Variants in ADARB2 observed in about 807,000 individuals in gnomAD.
ADARB2 encodes inactive double-stranded RNA-specific editase B2.
In ADARB2, 25 loss-of-function variants were observed where a neutral mutation model predicts 62.2. The ratio of observed to expected loss-of-function variants is 0.40; its 90% confidence interval spans 0.29 to 0.56. ADARB2 has a LOEUF of 0.56. Ranked by LOEUF, ADARB2 falls within the 20% of genes least tolerant of loss-of-function variation. ADARB2 has a pLI of 0.43. For missense variants in ADARB2, 1,071 were observed against 1,077.4 expected (o/e 0.99, Z 0.08); for synonymous variants, 572 against 500.8 (o/e 1.14, Z -1.90).
intron 1 of ADARB2, among the ~76,000 whole-genome samples, chr10:1,575,720 C>T (rs1051165387): frequency 2.6e-5 from 4 of 152,208 alleles, no homozygotes; most frequent in Admixed American, 2.6e-4. Flanking sequence ...CTGTGGGATC[C>T]CCCTGTGGTC....
At chr10:1,339,035 G>T (rs891061547) in intron 3 of ADARB2, among the ~76,000 whole-genome samples, 11 of 152,192 alleles carry the variant, frequency 7.2e-5, no homozygotes, top group African/African-American at 9.7e-5. Flanking sequence ...TCCTTATTTT[G>T]GTTGGATAGG....
chr10:1,417,104 G>A (rs996605938), intron 1 of ADARB2, among the ~76,000 whole-genome samples: 2 of 152,124 alleles, frequency 1.3e-5, no homozygotes, highest in Non-Finnish European at 2.9e-5. Flanking sequence ...GTATAGACCA[G>A]ATGGCCAGGA....
intron 2 of ADARB2, among the ~76,000 whole-genome samples, chr10:1,369,703 C>T (rs1832350266): frequency 5.2e-5 from 1 of 19,264 alleles, no homozygotes; most frequent in Non-Finnish European, 5.5e-3. Context: ...GCCTGATTAG[C>T]CCACCAATGG....
rs998478915 is a variant in ADARB2 at position 1,631,155 on chromosome 10, C to G, written c.100+105896G>C. On this transcript the variant is annotated intron_variant, in intron 1 of 9. Coordinates refer to ENST00000381312, the MANE Select transcript of ADARB2 (RefSeq NM_018702.4). ...GAACAAGAAAAAAGGGTGTGCAACA[C>G]GTTCGATGTGCCAGGTGCCTCCACG... Among the ~76,000 whole-genome samples, 6 of 152,160 alleles carry G rather than the reference C, an allele frequency of 3.9e-5. No individual in the cohort carries two copies. The South Asian group carries it at 6.2e-4, about 16-fold the overall frequency.
intron 1 of ADARB2, among the ~76,000 whole-genome samples, chr10:1,471,540 G>A (rs1035579615): frequency 9.2e-5 from 14 of 152,110 alleles, no homozygotes; most frequent in Admixed American, 2.6e-4. Context: ...ACAGGCATAC[G>A]CCACCATGCC....
intron 2 of ADARB2, among the ~76,000 whole-genome samples, chr10:1,375,348 T>C (rs1832412836): frequency 6.6e-6 from 1 of 152,150 alleles, no homozygotes; most frequent in Non-Finnish European, 1.5e-5. Flanking sequence ...CTTACAAACG[T>C]GGAGTTGTTC....
intron 3 of ADARB2, among the ~76,000 whole-genome samples, chr10:1,354,612 G>A (rs946396084): frequency 6.6e-6 from 1 of 152,248 alleles, no homozygotes; most frequent in African/African-American, 2.4e-5. Flanking sequence ...CGAAGGAGAG[G>A]GGGCTCAGGG....
intron 1 of ADARB2, among the ~76,000 whole-genome samples, chr10:1,645,738 C>T (rs1052277651): frequency 5.9e-5 from 9 of 152,054 alleles, no homozygotes; most frequent in East Asian, 3.9e-4. Flanking sequence ...ATCTCCATCA[C>T]GAAACTCTGC....
chr10:1,635,601 G>C (rs142069959), intron 1 of ADARB2, among the ~76,000 whole-genome samples: 2 of 152,228 alleles, frequency 1.3e-5, no homozygotes, highest in East Asian at 1.9e-4. Context: ...TCCCTCCGTC[G>C]GGACAGCCTC....
intron 9 of ADARB2, among the ~76,000 whole-genome samples, chr10:1,183,800 C>T (rs1176277807): frequency 6.6e-6 from 1 of 152,110 alleles, no homozygotes; most frequent in Non-Finnish European, 1.5e-5. Flanking sequence ...AGCTTTGCAG[C>T]AACACAAGAC....
chr10:1,346,235 C>T (rs759053849), intron 3 of ADARB2, among the ~76,000 whole-genome samples: 6 of 152,200 alleles, frequency 3.9e-5, no homozygotes, highest in Non-Finnish European at 8.8e-5. Flanking sequence ...TATTACTCCC[C>T]ATGCACCGAC....
chr10:1,186,677 C>T (rs561034329), intron 8 of ADARB2: 156 of 448,544 alleles, frequency 3.5e-4, no homozygotes, highest in African/African-American at 2.8e-3. Context: ...CGTGAGATGG[C>T]GGTGCCTGCA....
At chr10:1,228,945 C>T (rs1450039225) in intron 6 of ADARB2, among the ~76,000 whole-genome samples, 1 of 152,298 alleles carries the variant, frequency 6.6e-6, no homozygotes, top group East Asian at 1.9e-4. Flanking sequence ...CCGACCTGTG[C>T]TCAGAAAACT....
intron 4 of ADARB2, among the ~76,000 whole-genome samples, chr10:1,266,440 G>A (rs915451709): frequency 6.6e-6 from 1 of 151,898 alleles, no homozygotes; most frequent in Non-Finnish European, 1.5e-5. Context: ...CACCCTACAG[G>A]GAGGAAAGGA....
At position 1,195,395 on chromosome 10, in the gene ADARB2, TTTTTG is replaced by T. The variant is rs1159164894; in HGVS notation, c.1864+4566_1864+4570del. On this transcript the variant is annotated intron_variant, in intron 8 of 9. Coordinates refer to ENST00000381312, the MANE Select transcript of ADARB2 (RefSeq NM_018702.4). Reference sequence around the variant, plus strand: ...TCTGTCAATGCTGTACACAGTTTTTTTTTTGTTTTTTTTTTTTTTAAGATAAGGGT... The same window carrying T: ...TCTGTCAATGCTGTACACAGTTTTTTTTTTTTTTTTTTTTAAGATAAGGGT... 7.9e-3 allele frequency among the ~76,000 whole-genome samples: 1,058 copies of T among 133,612 alleles called. 23 individuals carry two copies. The highest frequency in any genetic ancestry group is 0.034 in the African/African-American group (995 of 28,866). 87.7% of individuals were successfully genotyped at this position (133,612 alleles called of 152,430 possible). A position where few individuals can be genotyped will look rare whatever the true frequency, so the allele number is the denominator to read the frequency against.
At chr10:1,309,235 C>A (rs1190614433) in intron 3 of ADARB2, among the ~76,000 whole-genome samples, 1 of 152,212 alleles carries the variant, frequency 6.6e-6, no homozygotes, top group Non-Finnish European at 1.5e-5. Flanking sequence ...GGGTATTGAG[C>A]ACCAAACTTC....
In ADARB2 at chr10:1,385,189, A is replaced by G. The variant is rs188765057; in HGVS notation, c.101-6029T>C. 9.2e-5 allele frequency among the ~76,000 whole-genome samples: 14 copies of G among 152,292 alleles called. No individual in the cohort carries two copies. The Middle Eastern group carries it at 0.01, about 111-fold the overall frequency. On this transcript the variant is annotated intron_variant, in intron 1 of 9. Transcript: ENST00000381312. The stretch of plus-strand genomic sequence containing the variant: ...AAACTCAAGGAACACCGTGAAATCC[A>G]TATTCTGAACAACATGGTATCCACA...
intron 1 of ADARB2, among the ~76,000 whole-genome samples, chr10:1,446,283 G>A (rs12220239): frequency 1.6e-4 from 23 of 146,128 alleles, no homozygotes; most frequent in African/African-American, 5.8e-4. Context: ...TTATTGTGAA[G>A]ATGGGAAAGA....
chr10:1,484,371 GC>G (rs1036575812), intron 1 of ADARB2, among the ~76,000 whole-genome samples: 1 of 152,196 alleles, frequency 6.6e-6, no homozygotes, highest in Non-Finnish European at 1.5e-5. Flanking sequence ...AGGAGAAGTT[GC>G]CGGACAGCTG....
Sources: allele counts gnomAD v4.1 joint callset (sites outside exome capture counted in the v4.1 genomes callset), GRCh38; gene constraint gnomAD v4.1.1; transcripts MANE v1.5; gene names NCBI Gene and HGNC (gene_info 2026-07-23, HGNC 2026-07-21).